IGF2BP2: variants seen among roughly 807,000 people sequenced by gnomAD.
The protein encoded by IGF2BP2 is insulin like growth factor 2 mRNA binding protein 2, also known as insulin-like growth factor 2 mRNA-binding protein 2.
A neutral mutation model predicts 75.8 loss-of-function variants in IGF2BP2; 17 were observed. The ratio of observed to expected loss-of-function variants is 0.22; its 90% CI spans 0.15 to 0.34. The LOEUF (loss-of-function observed/expected upper bound fraction) is 0.34, where lower values mean the gene tolerates loss of function less well. Among genes scored for constraint, IGF2BP2 ranks in the 10% least tolerant of loss-of-function variants. The probability of loss-of-function intolerance (pLI) is 1.00; values close to 1 mark genes in which losing one functional copy is unlikely to be tolerated. For missense variants in IGF2BP2, 516 were observed against 772.4 expected, an observed-to-expected ratio of 0.67 and a Z score of 3.93; for synonymous variants, 288 against 295.6, an observed-to-expected ratio of 0.97 and a Z score of 0.26.
chr3:185,684,662 C>T (rs1720864969), intron 7 of IGF2BP2, among the ~76,000 whole-genome samples: 1 of 152,218 alleles, frequency 6.6e-6, no homozygotes, highest in South Asian at 2.1e-4. Context: ...CCGCTTCAGC[C>T]TCCCAAAGTG....
In IGF2BP2 at chr3:185,730,835, C is replaced by A. The variant is rs1222013979; in HGVS notation, c.240-32488G>T. On this transcript the variant is annotated intron_variant, in intron 2 of 15. Transcript: ENST00000382199. ...TAGAGGTTGTACTAATTTACACTTA[C>A]ACTAACAGGGTATAAGGATTCCTTT... is the stretch of plus-strand genomic sequence containing the variant. Among the ~76,000 whole-genome samples the A allele has an allele frequency of 2.6e-5, 4 of 152,166 alleles. No homozygotes were observed. In the East Asian group the frequency reaches 7.7e-4, roughly 29 times the overall value.
chr3:185,645,544 T>C lies in IGF2BP2; in HGVS notation c.1787A>G (p.Gln596Arg). Reference protein sequence around the residue: ...EQKYPQGVASQRSK With the variant: ...EQKYPQGVASRRSK ...CCTGTGGGAGCCTCACTTGCTGCGC[T>C]GTGAGGCGACTCCCTGAGGGTATTT... The change falls in exon 16 of 16, where the codon CAG becomes CGG. Residue 596 changes from glutamine (Q) to arginine (R), a missense_variant. Physicochemically the swap from Gln to Arg is conservative, Grantham distance 43 (BLOSUM62 1). Around this residue, in one of 3 missense-constraint regions of IGF2BP2, gnomAD observed 129 missense variants for 230.5 expected, o/e 0.56. Transcript: ENST00000382199. This position sits in a 1 kb window ranked among gnomAD's most constrained non-coding sequence, Gnocchi z 4.9. 6.2e-7 allele frequency: 1 copy of C among 1,610,110 alleles called. No homozygotes were observed. Among genetic ancestry groups the C allele is most frequent in the Non-Finnish European group, 8.5e-7 (1 of 1,176,354 alleles).
chr3:185,675,720 A>G (rs758593307), intron 8 of IGF2BP2, 71 bp downstream of exon 8: 7 of 1,528,372 alleles, frequency 4.6e-6, no homozygotes, highest in Non-Finnish European at 6.2e-6. Flanking sequence ...AAAGTAGATG[A>G]ATGAACTAGA....
chr3:185,722,864 T>A (rs1311416113), intron 2 of IGF2BP2, among the ~76,000 whole-genome samples: 1 of 152,218 alleles, frequency 6.6e-6, no homozygotes, highest in Non-Finnish European at 1.5e-5. Context: ...GCACAAATGA[T>A]ACATAATTAT....
chr3:185,795,857 G>T (rs768443542), intron 2 of IGF2BP2, among the ~76,000 whole-genome samples: 1 of 152,090 alleles, frequency 6.6e-6, no homozygotes, highest in Non-Finnish European at 1.5e-5. Context: ...CTACACTCCA[G>T]GCTGGGCAAC....
At chr3:185,651,648 T>C (rs1361907960) in intron 13 of IGF2BP2, among the ~76,000 whole-genome samples, 1 of 152,166 alleles carries the variant, frequency 6.6e-6, no homozygotes, top group African/African-American at 2.4e-5. Flanking sequence ...AAAGCTCGAG[T>C]TATAATTTTC....
At chr3:185,721,133 T>A (rs1726468369) in intron 2 of IGF2BP2, among the ~76,000 whole-genome samples, 1 of 152,218 alleles carries the variant, frequency 6.6e-6, no homozygotes, top group South Asian at 2.1e-4. Context: ...GTGTGGATTT[T>A]AACCAATTAA....
At chr3:185,759,590 C>T (rs897301093) in intron 2 of IGF2BP2, among the ~76,000 whole-genome samples, 1 of 152,192 alleles carries the variant, frequency 6.6e-6, no homozygotes, top group African/African-American at 2.4e-5. Context: ...TGGCAACCAT[C>T]CCTTCCACAG....
chr3:185,807,863 G>A (rs766906362), intron 2 of IGF2BP2, among the ~76,000 whole-genome samples: 7 of 152,214 alleles, frequency 4.6e-5, no homozygotes, highest in Non-Finnish European at 7.3e-5. Flanking sequence ...CTGAGCCATC[G>A]GATGACTGTA....
chr3:185,816,082 T>A (rs1740562590), intron 2 of IGF2BP2, among the ~76,000 whole-genome samples: 1 of 152,172 alleles, frequency 6.6e-6, no homozygotes, highest in South Asian at 2.1e-4. Flanking sequence ...AGCCCTGACC[T>A]TTGCAACAGG....
intron 10 of IGF2BP2, among the ~76,000 whole-genome samples, chr3:185,668,506 G>GATATATAT (rs1221304712): frequency 1.2e-3 from 150 of 127,944 alleles, no homozygotes; most frequent in East Asian, 2.4e-3. Context: ...GAGAGAGAGA[G>GATATATAT]AGATATATAT....
chr3:185,796,617 GAAAAAAAAA>G (rs539355035), intron 2 of IGF2BP2, among the ~76,000 whole-genome samples: 1 of 75,952 alleles, frequency 1.3e-5, no homozygotes, highest in Non-Finnish European at 2.7e-5. Context: ...CCTGAGCTAG[GAAAAAAAAA>G]AAAAAAAAGA....
At chr3:185,765,752 T>A (rs1396322358) in intron 2 of IGF2BP2, among the ~76,000 whole-genome samples, 1 of 152,226 alleles carries the variant, frequency 6.6e-6, no homozygotes. Flanking sequence ...TATCTTTGAC[T>A]TTCATTGGCT....
intron 2 of IGF2BP2, among the ~76,000 whole-genome samples, chr3:185,720,306 A>G (rs1021691962): frequency 6.6e-6 from 1 of 152,312 alleles, no homozygotes; most frequent in South Asian, 2.1e-4. Flanking sequence ...TCTGTGGTGT[A>G]AATACTCTCA....
intron 2 of IGF2BP2, among the ~76,000 whole-genome samples, chr3:185,730,313 G>A (rs1300754895): frequency 6.6e-6 from 1 of 151,888 alleles, no homozygotes; most frequent in Non-Finnish European, 1.5e-5. Context: ...ATAGTATTCC[G>A]TGGTATATTT....
chr3:185,722,799 AAC>A (rs1726763226), intron 2 of IGF2BP2, among the ~76,000 whole-genome samples: 1 of 152,188 alleles, frequency 6.6e-6, no homozygotes, highest in Admixed American at 6.5e-5. Context: ...CAAATACACA[AAC>A]ACACATATAC....
chr3:185,681,484 A>C (rs1171661667), intron 7 of IGF2BP2, among the ~76,000 whole-genome samples: 1 of 152,218 alleles, frequency 6.6e-6, no homozygotes, highest in Non-Finnish European at 1.5e-5. Flanking sequence ...TGGAATACTT[A>C]ATATTGTGAA....
At chr3:185,665,027 T>C in intron 10 of IGF2BP2, among the ~76,000 whole-genome samples, 1 of 149,614 alleles carries the variant, frequency 6.7e-6, no homozygotes, top group East Asian at 1.9e-4. Context: ...CAGACAGGCG[T>C]GTTGGTGTGC....
intron 2 of IGF2BP2, among the ~76,000 whole-genome samples, chr3:185,735,987 G>GA (rs1728804700): frequency 6.6e-6 from 1 of 152,196 alleles, no homozygotes; most frequent in South Asian, 2.1e-4. Flanking sequence ...GCTCAGCTCT[G>GA]ATTTCACAGA....
Sources: allele counts gnomAD v4.1 joint callset (sites outside exome capture counted in the v4.1 genomes callset), GRCh38; gene constraint gnomAD v4.1.1; regional missense constraint gnomAD v4.1.1; non-coding constraint Gnocchi (gnomAD v3.1); transcripts MANE v1.5; gene names NCBI Gene and HGNC (gene_info 2026-07-23, HGNC 2026-07-21).